Variants in FLT1 observed in about 807,000 individuals in gnomAD.
FLT1 encodes the protein vascular endothelial growth factor receptor 1.
FLT1 carries 49 observed loss-of-function variants against 156.3 expected under a neutral mutation model. That is an observed-to-expected ratio of 0.31 (90% CI 0.25 to 0.40). FLT1 has a LOEUF of 0.40. FLT1 is among the 10% of genes least tolerant of loss of function. FLT1 has a pLI of 1.00. For missense variants in FLT1, 1,322 were observed against 1,637.2 expected (o/e 0.81, Z 3.32); for synonymous variants, 594 against 583.8 (o/e 1.02, Z -0.25).
intron 13 of FLT1, chr13:28,388,452 T>C (rs1268634209): frequency 2.4e-5 from 25 of 1,026,786 alleles, no homozygotes; most frequent in African/African-American, 3.6e-5. Context: ...TTGGTCATTA[T>C]AGTTTTTTTT....
chr13:28,399,427 G>A (rs1875288466), intron 11 of FLT1, among the ~76,000 whole-genome samples: 1 of 152,162 alleles, frequency 6.6e-6, no homozygotes, highest in Admixed American at 6.5e-5. Context: ...CTGCATCTAT[G>A]AGTCATGTTT....
intron 10 of FLT1, among the ~76,000 whole-genome samples, chr13:28,425,466 T>A (rs958848384): frequency 2.9e-4 from 44 of 152,200 alleles, no homozygotes; most frequent in African/African-American, 9.9e-4. Context: ...AGAAAGCTAA[T>A]GTTTACAAAG....
chr13:28,423,647 A>G (rs752222491), intron 10 of FLT1, among the ~76,000 whole-genome samples: 1 of 152,240 alleles, frequency 6.6e-6, no homozygotes, highest in Non-Finnish European at 1.5e-5. Context: ...TTCTAAATAC[A>G]TTACCTCATT....
chr13:28,341,713 G>C (rs1327571259), intron 16 of FLT1, among the ~76,000 whole-genome samples: 2 of 152,078 alleles, frequency 1.3e-5, no homozygotes, highest in Non-Finnish European at 1.5e-5. Context: ...GGGATGTCTT[G>C]TTCCTCTTTG....
chr13:28,437,507 G>T (rs1878097324), intron 4 of FLT1, among the ~76,000 whole-genome samples: 1 of 152,168 alleles, frequency 6.6e-6, no homozygotes, highest in Non-Finnish European at 1.5e-5. Flanking sequence ...ACTTAGCACA[G>T]TTTTCCGTTT....
chr13:28,372,076 A>ATATATT (rs1257431752), intron 14 of FLT1, among the ~76,000 whole-genome samples: 1 of 11,760 alleles, frequency 8.5e-5, no homozygotes, highest in African/African-American at 3.2e-4. Context: ...ATATATATAT[A>ATATATT]TTTTTTTTTT....
intron 10 of FLT1, 24 bp from the exon 11 acceptor site, chr13:28,405,918 A>G (rs1194249440): frequency 7.8e-7 from 1 of 1,276,876 alleles, no homozygotes; most frequent in Admixed American, 1.7e-5. Flanking sequence ...AAGTTGTCAC[A>G]ATGTGGCTTT....
chr13:28,431,138 T>G lies in FLT1; in HGVS notation c.986A>C (p.Tyr329Ser). 1 of 1,611,560 alleles carries G rather than the reference T, an allele frequency of 6.2e-7. No homozygotes were observed. Among genetic ancestry groups the G allele is most frequent in the Non-Finnish European group, 8.5e-7 (1 of 1,177,672 alleles). Residue 329 changes from tyrosine (Y) to serine (S), a missense_variant and splice_region_variant, in exon 7 of 30, where the codon TAT becomes TCT. This residue lies in a region of FLT1 where 991 missense variants were observed against 1,254.8 expected (regional missense o/e 0.79). Coordinates refer to ENST00000282397, the MANE Select transcript of FLT1 (RefSeq NM_002019.4). ...FKSVNTSVHI[Y>S]DKAFITVKHR... ...TGGCAACGCTGAACTATGCTTACCA[T>G]ATATATGCACTGAGGTGTTAACAGA...
chr13:28,390,847 G>A (rs1313980639), intron 12 of FLT1, among the ~76,000 whole-genome samples: 1 of 152,230 alleles, frequency 6.6e-6, no homozygotes, highest in Non-Finnish European at 1.5e-5. Flanking sequence ...TTGCGAACAA[G>A]TGAGAATAGG....
At chr13:28,390,199 A>G (rs1874624896) in intron 12 of FLT1, 95 bp from the exon 13 acceptor site, 2 of 1,514,938 alleles carry the variant, frequency 1.3e-6, no homozygotes, top group African/African-American at 1.4e-5. Flanking sequence ...TGCACAAATT[A>G]TCTCAGTATC....
chr13:28,447,413 C>T (rs1004079327), intron 3 of FLT1, among the ~76,000 whole-genome samples: 2 of 151,812 alleles, frequency 1.3e-5, no homozygotes, highest in Non-Finnish European at 2.9e-5. Context: ...TCTCAAACTC[C>T]TGGGCTCAAG....
At chr13:28,393,694 T>G (rs927789070) in intron 12 of FLT1, among the ~76,000 whole-genome samples, 25 of 152,160 alleles carry the variant, frequency 1.6e-4, no homozygotes, top group African/African-American at 6.0e-4. Context: ...TCAAGTGATC[T>G]TCCCACCTCA....
intron 12 of FLT1, chr13:28,396,756 A>G: frequency 1.5e-6 from 1 of 678,210 alleles, no homozygotes; most frequent in Non-Finnish European, 2.7e-6. Flanking sequence ...AATAACTCTA[A>G]AAGAGAATAC....
chr13:28,457,546 T>C (rs1879333808), intron 3 of FLT1, among the ~76,000 whole-genome samples: 1 of 152,132 alleles, frequency 6.6e-6, no homozygotes, highest in Non-Finnish European at 1.5e-5. Context: ...TCAGCAAAAA[T>C]ACATCAAATG....
chr13:28,380,588 T>C lies in FLT1; in HGVS notation c.2116+4297A>G, dbSNP rs139867759. On this transcript the variant is annotated intron_variant, in intron 14 of 29. Transcript: ENST00000282397. ...GCTAAATAGTAGCATCCTAGAATGA[T>C]ATTTATAGAATATTTTGTGTAAGAC... is the stretch of plus-strand genomic sequence containing the variant. 9.0e-3 allele frequency among the ~76,000 whole-genome samples: 1,375 copies of C among 152,272 alleles called. 52 individuals carry two copies. The highest frequency in any genetic ancestry group is 0.061 in the Admixed American group (931 of 15,282).
intron 13 of FLT1, 115 bp downstream of exon 13, chr13:28,389,681 G>C: frequency 6.4e-7 from 1 of 1,567,240 alleles, no homozygotes; most frequent in Non-Finnish European, 8.7e-7. Flanking sequence ...TGAGACAACT[G>C]TTACTTTTTA....
chr13:28,333,276 T>C (rs1463964108), intron 18 of FLT1, among the ~76,000 whole-genome samples: 2 of 152,226 alleles, frequency 1.3e-5, no homozygotes, highest in Non-Finnish European at 2.9e-5. Flanking sequence ...AGCTGCTTTT[T>C]GAGTTTTCAG....
At chr13:28,329,080 C>T (rs1471965909) in intron 19 of FLT1, among the ~76,000 whole-genome samples, 1 of 152,216 alleles carries the variant, frequency 6.6e-6, no homozygotes, top group African/African-American at 2.4e-5. Flanking sequence ...AATGATCACA[C>T]ATCTACTCTG....
intron 1 of FLT1, among the ~76,000 whole-genome samples, chr13:28,481,442 T>TAC (rs397687323): frequency 0.12 from 17,556 of 142,482 alleles, 1,228 homozygotes; most frequent in African/African-American, 0.21. Flanking sequence ...CCTCCGCTTA[T>TAC]ACACACACAC....
Sources: allele counts gnomAD v4.1 joint callset (sites outside exome capture counted in the v4.1 genomes callset), GRCh38; gene constraint gnomAD v4.1.1; regional missense constraint gnomAD v4.1.1; transcripts MANE v1.5; gene names NCBI Gene and HGNC (gene_info 2026-07-23, HGNC 2026-07-21).